HTR5A: variants seen among roughly 807,000 people sequenced by gnomAD.
HTR5A encodes the protein 5-hydroxytryptamine receptor 5A, also known as 5-HT-5.
HTR5A carries 21 observed loss-of-function variants against 24.3 expected under a neutral mutation model. The observed-to-expected ratio is 0.86, with a 90% CI of 0.61 to 1.24. The LOEUF (loss-of-function observed/expected upper bound fraction) is 1.24, where lower values mean the gene tolerates loss of function less well. Ranked by LOEUF, HTR5A falls within the 50% of genes most tolerant of loss-of-function variation. The pLI, the probability that HTR5A is intolerant of heterozygous loss-of-function variation, is 0.00. For synonymous variants in HTR5A, 260 were observed against 213.7 expected, an observed-to-expected ratio of 1.22 and a Z score of -1.89; for missense variants, 497 against 489.5, an observed-to-expected ratio of 1.02 and a Z score of -0.15.
chr7:155,075,978 A>T (rs1360181397), intron 1 of HTR5A, among the ~76,000 whole-genome samples: 3 of 152,238 alleles, frequency 2.0e-5, no homozygotes, highest in Admixed American at 2.0e-4. Flanking sequence ...TTGGCGAGCC[A>T]GATTTTGGAA....
chr7:155,083,602 G>A (rs1383440651), intron 1 of HTR5A, among the ~76,000 whole-genome samples: 1 of 152,210 alleles, frequency 6.6e-6, no homozygotes, highest in Non-Finnish European at 1.5e-5. Context: ...TAGGGGTAGA[G>A]GAAGACACAG....
intron 1 of HTR5A, among the ~76,000 whole-genome samples, chr7:155,073,877 G>GTGTA (rs1210393368): frequency 3.7e-4 from 3 of 8,008 alleles, no homozygotes; most frequent in African/African-American, 4.7e-4. Context: ...ATATATATAT[G>GTGTA]TATATATATA....
At chr7:155,074,441 G>C (rs1431172847) in intron 1 of HTR5A, among the ~76,000 whole-genome samples, 1 of 152,190 alleles carries the variant, frequency 6.6e-6, no homozygotes, top group Non-Finnish European at 1.5e-5. Flanking sequence ...GAGGTATGGA[G>C]CCTCACGGAT....
chr7:155,073,865 GTATATATA>G lies in HTR5A; in HGVS notation c.741+2229_741+2236del, dbSNP rs151333626. Reference sequence around the variant, plus strand: ...CATATATATACATATGTGTGTGTGTGTATATATATATGTATATATATATGTATATATAT... The same window carrying G: ...CATATATATACATATGTGTGTGTGTGTATGTATATATATATGTATATATAT... On this transcript the variant is annotated intron_variant, in intron 1 of 1. Coordinates refer to ENST00000287907, the MANE Select transcript of HTR5A (RefSeq NM_024012.4). 2.3e-3 allele frequency among the ~76,000 whole-genome samples: 131 copies of G among 57,286 alleles called. 3 individuals carry two copies. The highest frequency in any genetic ancestry group is 5.3e-3 in the Admixed American group (30 of 5,616). 37.6% of individuals were successfully genotyped at this position (57,286 alleles called of 152,430 possible).
chr7:155,071,292 C>T lies in HTR5A; in HGVS notation c.393C>T (p.Asn131=), dbSNP rs1332299453. The T allele has an allele frequency of 1.2e-6, 2 of 1,609,416 alleles. No individual in the cohort carries two copies. Among genetic ancestry groups the T allele is most frequent in the Non-Finnish European group, 8.5e-7 (1 of 1,179,840 alleles). ...DVLCCTASIW[N]VTAIALDRYW... is the part of the protein sequence containing the mutation. ...TTTGCTGCACGGCCAGCATCTGGAA[C>T]GTGACGGCCATAGCCCTGGACCGCT... Residue 131 remains asparagine, a synonymous_variant, in exon 1 of 2, where the codon AAC becomes AAT. Coordinates refer to ENST00000287907, the MANE Select transcript of HTR5A (RefSeq NM_024012.4).
chr7:155,073,865 G>GTGTATATA (rs1554519604), intron 1 of HTR5A, among the ~76,000 whole-genome samples: 1 of 57,312 alleles, frequency 1.7e-5, no homozygotes. Flanking sequence ...GTGTGTGTGT[G>GTGTATATA]TATATATATA....
At chr7:155,076,810 T>A (rs1055287157) in intron 1 of HTR5A, among the ~76,000 whole-genome samples, 1 of 152,228 alleles carries the variant, frequency 6.6e-6, no homozygotes, top group African/African-American at 2.4e-5. Context: ...AAAGGCCTAA[T>A]ACCAAATGTT....
chr7:155,071,221 C>T lies in HTR5A; in HGVS notation c.322C>T (p.Gln108Ter). 6.9e-6 allele frequency: 11 copies of T among 1,603,580 alleles called. No individual in the cohort carries two copies. Among genetic ancestry groups the T allele is most frequent in the Non-Finnish European group, 9.3e-6 (11 of 1,179,894 alleles). Residue 108 changes from glutamine to a stop codon, truncating the protein, a stop_gained, in exon 1 of 2, where the codon CAG becomes TAG. Transcript: ENST00000287907. LOFTEE classifies it high-confidence loss of function. ...LVHELSGRRW[Q>*]LGRRLCQLWI... ...GCACGAGCTGTCCGGGCGCCGCTGGCAGCTAGGTCGGAGGCTGTGCCAGCT... is the reference window on the plus strand; with the variant it reads ...GCACGAGCTGTCCGGGCGCCGCTGGTAGCTAGGTCGGAGGCTGTGCCAGCT...
At chr7:155,080,985 C>T (rs115022553) in intron 1 of HTR5A, among the ~76,000 whole-genome samples, 3 of 152,144 alleles carry the variant, frequency 2.0e-5, no homozygotes, top group Non-Finnish European at 4.4e-5. Flanking sequence ...TGTATATTCC[C>T]AAACTGCATC....
chr7:155,075,403 C>T (rs965191894), intron 1 of HTR5A, among the ~76,000 whole-genome samples: 1 of 152,164 alleles, frequency 6.6e-6, no homozygotes, highest in Admixed American at 6.5e-5. Context: ...TCTGCAGAAG[C>T]ATGTAAAGTT....
At position 155,084,322 on chromosome 7, in the gene HTR5A, C is replaced by T. The variant is rs772768835; in HGVS notation, c.909C>T (p.Leu303=). Reference sequence around the variant, plus strand: ...TGCTCTGCTGGATCCCCTTCTTTCTCACCGAGCTCATCAGTCCCCTCTGCT... The same window carrying T: ...TGCTCTGCTGGATCCCCTTCTTTCTTACCGAGCTCATCAGTCCCCTCTGCT... ...VFVLCWIPFF[L]TELISPLCSC... The change falls in exon 2 of 2, where the codon CTC becomes CTT. Residue 303 remains leucine, a synonymous_variant. Coordinates refer to ENST00000287907, the MANE Select transcript of HTR5A (RefSeq NM_024012.4). 133 of 1,614,038 alleles carry T rather than the reference C, an allele frequency of 8.2e-5. No individual in the cohort carries two copies. The highest frequency in any genetic ancestry group is 1.1e-4 in the Non-Finnish European group (133 of 1,180,036).
In HTR5A at chr7:155,071,005, C is replaced by G; in HGVS notation, c.106C>G (p.Leu36Val). ...KDDLRPSSPL[L>V]SVFGVLILTL... is the part of the protein sequence containing the mutation. ...CGACCTGCGCCCCAGCTCGCCCCTG[C>G]TCTCGGTCTTCGGAGTGCTTATTCT... is the stretch of plus-strand genomic sequence containing the variant. The change falls in exon 1 of 2, where the codon CTC becomes GTC. Residue 36 changes from leucine to valine, a missense_variant. Coordinates refer to ENST00000287907, the MANE Select transcript of HTR5A (RefSeq NM_024012.4). The G allele has an allele frequency of 6.2e-7, 1 of 1,612,044 alleles. No individual in the cohort carries two copies. Among genetic ancestry groups the G allele is most frequent in the African/African-American group, 1.3e-5 (1 of 75,068 alleles).
Position 155,080,919 on chromosome 7 carries a change from C to T in HTR5A, c.742-3236C>T, listed in dbSNP as rs78324842. ...AGTGTGTTTATTGGGGTGAGTCTGA[C>T]CTTAATTGGCTGACTTTCAGAAGTG... On this transcript the variant is annotated intron_variant, in intron 1 of 1. Transcript: ENST00000287907. Among the ~76,000 whole-genome samples the T allele has an allele frequency of 1.0e-2, 1,518 of 152,186 alleles. 30 individuals are homozygous for T. The highest frequency in any genetic ancestry group is 0.035 in the African/African-American group (1,454 of 41,512).
At chr7:155,077,528 A>ATCTCAGCT (rs375292028) in intron 1 of HTR5A, among the ~76,000 whole-genome samples, 6 of 147,890 alleles carry the variant, frequency 4.1e-5, no homozygotes, top group African/African-American at 1.2e-4. Flanking sequence ...CAGTGGCATA[A>ATCTCAGCT]TCTCAGCTCA....
intron 1 of HTR5A, among the ~76,000 whole-genome samples, chr7:155,077,913 C>G (rs1000062044): frequency 1.3e-5 from 2 of 151,958 alleles, no homozygotes; most frequent in Admixed American, 1.3e-4. Context: ...ATATTGACAC[C>G]CACATAAACA....
At position 155,085,640 on chromosome 7, in the gene HTR5A, T is replaced by C. The variant is rs1327677346; in HGVS notation, c.*1153T>C. 6.6e-6 allele frequency: 1 copy of C among 152,102 alleles called. No individual in the cohort carries two copies. Among genetic ancestry groups the C allele is most frequent in the East Asian group, 1.9e-4 (1 of 5,202 alleles). The allele number at this position is 152,102 out of a possible 1,614,324, so 9.4% of individuals were successfully genotyped here. ...CATTTGGATGATCATGTAAAACCAG[T>C]GTCATTACACAAAACTTAAAAAAAA... On this transcript the variant is annotated 3_prime_UTR_variant, in exon 2 of 2. Transcript: ENST00000287907.
chr7:155,080,553 T>A (rs538957640), intron 1 of HTR5A, among the ~76,000 whole-genome samples: 1 of 152,266 alleles, frequency 6.6e-6, no homozygotes, highest in South Asian at 2.1e-4. Context: ...CCTCCAGAAC[T>A]GTCCAGGGGC....
At position 155,070,406 on chromosome 7, in the gene HTR5A, C is replaced by T. The variant is rs1468050456; in HGVS notation, c.-494C>T. ...AAGGCAGGTCCCAGAAAGCAGGTTCCCCCAAAACTGGCTTCCCTAGCACGG... is the reference window on the plus strand; with the variant it reads ...AAGGCAGGTCCCAGAAAGCAGGTTCTCCCAAAACTGGCTTCCCTAGCACGG... On this transcript the variant is annotated 5_prime_UTR_variant, in exon 1 of 2. Transcript: ENST00000287907. The T allele has an allele frequency of 2.2e-6, 1 of 455,202 alleles. No individual in the cohort carries two copies. Among genetic ancestry groups the T allele is most frequent in the Admixed American group, 2.4e-5 (1 of 42,342 alleles). 28.2% of individuals were successfully genotyped at this position (455,202 alleles called of 1,614,324 possible). A position where few individuals can be genotyped will look rare whatever the true frequency, so the allele number is the denominator to read the frequency against.
chr7:155,078,476 C>T lies in HTR5A; in HGVS notation c.742-5679C>T, dbSNP rs574187850. ...TGCAAGTGTGTTCCATCACACCTGG[C>T]TAATTTTTGTATTTTTTATAGAAAT... is the stretch of plus-strand genomic sequence containing the variant. On this transcript the variant is annotated intron_variant, in intron 1 of 1. Coordinates refer to ENST00000287907, the MANE Select transcript of HTR5A (RefSeq NM_024012.4). Among the ~76,000 whole-genome samples the T allele has an allele frequency of 7.9e-5, 12 of 152,176 alleles. No homozygotes were observed. In the South Asian group the frequency reaches 1.5e-3, roughly 18 times the overall value.
Sources: allele counts gnomAD v4.1 joint callset (sites outside exome capture counted in the v4.1 genomes callset), GRCh38; gene constraint gnomAD v4.1.1; transcripts MANE v1.5; gene names NCBI Gene and HGNC (gene_info 2026-07-23, HGNC 2026-07-21).